ZNF516: variants seen among roughly 807,000 people sequenced by gnomAD.
ZNF516 encodes the protein zinc finger protein 516.
ZNF516 carries 19 observed loss-of-function variants against 79.7 expected under a neutral mutation model. The ratio of observed to expected loss-of-function variants is 0.24; its 90% CI spans 0.17 to 0.35. The LOEUF is 0.35. Ranked by LOEUF, ZNF516 falls within the 10% of genes least tolerant of loss-of-function variation. The pLI is 1.00. For synonymous variants in ZNF516, 877 were observed against 739.5 expected (o/e 1.19, Z -3.02); for missense variants, 1,678 against 1,679.5 (o/e 1.00, Z 0.02).
chr18:76,450,955 C>A (rs1912372601), intron 2 of ZNF516, among the ~76,000 whole-genome samples: 1 of 152,156 alleles, frequency 6.6e-6, no homozygotes, highest in Non-Finnish European at 1.5e-5. Flanking sequence ...CCGAAAAAGG[C>A]ACCGGAAGGC....
chr18:76,386,708 C>A (rs2074997849), intron 3 of ZNF516: 1 of 152,154 alleles, frequency 6.6e-6, no homozygotes, highest in Non-Finnish European at 1.5e-5. Context: ...GGACTTTTAT[C>A]TCGTTCTACA....
intron 2 of ZNF516, among the ~76,000 whole-genome samples, chr18:76,453,350 A>T (rs902037706): frequency 6.6e-6 from 1 of 152,202 alleles, no homozygotes; most frequent in African/African-American, 2.4e-5. Flanking sequence ...CCCACGGCTC[A>T]GATGAAGTCC....
rs1023891154 is a variant in ZNF516 at position 76,451,014 on chromosome 18, G to A, written c.-157-7803C>T. Among the ~76,000 whole-genome samples, 3 of 152,128 alleles carry A rather than the reference G, an allele frequency of 2.0e-5. No individual in the cohort carries two copies. Among genetic ancestry groups the A allele is most frequent in the East Asian group, 1.9e-4 (1 of 5,192 alleles). On this transcript the variant is annotated intron_variant, in intron 2 of 6. Coordinates refer to ENST00000443185, the MANE Select transcript of ZNF516 (RefSeq NM_014643.4). The surrounding 1 kb of genome is among the most constrained non-coding windows in gnomAD (Gnocchi z 6.0). The stretch of plus-strand genomic sequence containing the variant: ...AGAGTCATTTCCTCAACAATCGAAC[G>A]CTTAAAGTTGCGGAAACCAAGCAAA...
At chr18:76,472,463 ATG>A (rs906418356) in intron 1 of ZNF516, among the ~76,000 whole-genome samples, 1 of 152,224 alleles carries the variant, frequency 6.6e-6, no homozygotes, top group Admixed American at 6.5e-5. Flanking sequence ...ATATGCATGT[ATG>A]TGTGTATATA....
rs571461431 is a variant in ZNF516 at position 76,440,761 on chromosome 18, T to TGTGTGTGTGTGTGTGTGCGC, written c.1810+483_1810+484insGCGCACACACACACACACAC. Among the ~76,000 whole-genome samples the TGTGTGTGTGTGTGTGTGCGC allele has an allele frequency of 2.3e-3, 340 of 150,216 alleles. 1 individual carries two copies. Among genetic ancestry groups the TGTGTGTGTGTGTGTGTGCGC allele is most frequent in the African/African-American group, 7.5e-3 (307 of 40,844 alleles). ...GTGTGTTTGTGTGTGTGTGTGTGTG[T>TGTGTGTGTGTGTGTGTGCGC]GCGCGCACGCGCGCATGCATCGTAT... On this transcript the variant is annotated intron_variant, in intron 3 of 6. Transcript: ENST00000443185.
chr18:76,456,958 C>G (rs936938125), intron 2 of ZNF516, among the ~76,000 whole-genome samples: 2 of 152,156 alleles, frequency 1.3e-5, no homozygotes, highest in African/African-American at 2.4e-5. Flanking sequence ...GGGTAAATCA[C>G]GCACAGGTAC....
intron 3 of ZNF516, among the ~76,000 whole-genome samples, chr18:76,439,518 CAT>C (rs961975854): frequency 6.6e-6 from 1 of 152,108 alleles, no homozygotes; most frequent in African/African-American, 2.4e-5. Flanking sequence ...AAAAGTTACA[CAT>C]AGAGAAAAAT....
intron 3 of ZNF516, among the ~76,000 whole-genome samples, chr18:76,408,360 C>T (rs1415302493): frequency 6.6e-6 from 1 of 152,276 alleles, no homozygotes. Flanking sequence ...CGAGGGGCTG[C>T]GGCGTGCGTC....
intron 3 of ZNF516, among the ~76,000 whole-genome samples, chr18:76,436,977 G>T (rs1356742341): frequency 6.6e-6 from 1 of 151,908 alleles, no homozygotes; most frequent in Non-Finnish European, 1.5e-5. Flanking sequence ...TGAGGTGAAA[G>T]GATGGCTTGA....
intron 3 of ZNF516, among the ~76,000 whole-genome samples, chr18:76,405,086 T>C (rs1478924345): frequency 6.6e-6 from 1 of 152,196 alleles, no homozygotes; most frequent in African/African-American, 2.4e-5. Flanking sequence ...GATACTCGCT[T>C]TCCTCAGCAC....
chr18:76,486,888 A>C (rs1325457401), intron 1 of ZNF516, among the ~76,000 whole-genome samples: 1 of 152,216 alleles, frequency 6.6e-6, no homozygotes, highest in African/African-American at 2.4e-5. Flanking sequence ...GAAGGTACAG[A>C]AACAGGAATA....
chr18:76,454,674 A>G (rs1428141677), intron 2 of ZNF516, among the ~76,000 whole-genome samples: 4 of 152,238 alleles, frequency 2.6e-5, no homozygotes, highest in Non-Finnish European at 5.9e-5. Context: ...TTTACCCTGC[A>G]CTGCCTGTCT....
chr18:76,446,373 C>T (rs1037888629), intron 2 of ZNF516, among the ~76,000 whole-genome samples: 6 of 152,200 alleles, frequency 3.9e-5, no homozygotes, highest in African/African-American at 1.2e-4. Context: ...CAGACACTCT[C>T]GCTCGTGGAT....
intron 3 of ZNF516, among the ~76,000 whole-genome samples, chr18:76,384,472 C>T (rs2074949358): frequency 1.5e-5 from 2 of 133,774 alleles, no homozygotes; most frequent in South Asian, 2.7e-4. Context: ...CCACCACGAC[C>T]CGCACACCTT....
upstream of ZNF516, chr18:76,496,398 C>A (rs1188239363): frequency 4.3e-5 from 55 of 1,289,632 alleles, no homozygotes; most frequent in Non-Finnish European, 5.5e-5. Context: ...GCGGTTACCT[C>A]AGCGGCGGCG....
At chr18:76,375,795 A>G (rs180844677) in intron 4 of ZNF516, among the ~76,000 whole-genome samples, 8 of 149,688 alleles carry the variant, frequency 5.3e-5, no homozygotes, top group Admixed American at 4.6e-4. Context: ...CCCAAAGACC[A>G]GGTAGAGGAT....
intron 3 of ZNF516, among the ~76,000 whole-genome samples, chr18:76,419,291 T>C (rs968243463): frequency 1.3e-5 from 2 of 152,210 alleles, no homozygotes; most frequent in African/African-American, 4.8e-5. Flanking sequence ...TGTATGTGTG[T>C]ACACTCAAGA....
In ZNF516 at chr18:76,358,310, C is replaced by A. The variant is rs1162100035; in HGVS notation, c.*4188G>T. On this transcript the variant is annotated 3_prime_UTR_variant, in exon 7 of 7. Coordinates refer to ENST00000443185, the MANE Select transcript of ZNF516 (RefSeq NM_014643.4). ...CTTTTTCAGAAATAGTTAAATACAT[C>A]AATCTAGTTACAAATTCTAATATAA... The A allele has an allele frequency of 6.6e-6, 1 of 152,124 alleles. No homozygotes were observed. Among genetic ancestry groups the A allele is most frequent in the East Asian group, 1.9e-4 (1 of 5,196 alleles). 9.4% of individuals were successfully genotyped at this position (152,124 alleles called of 1,614,324 possible).
rs777030894 is a variant in ZNF516 at position 76,379,981 on chromosome 18, G to A, written c.2133C>T (p.Ser711=). 9.9e-6 allele frequency: 16 copies of A among 1,613,818 alleles called. No individual in the cohort carries two copies. The highest frequency in any genetic ancestry group is 1.6e-4 in the Middle Eastern group (1 of 6,084). Residue 711 remains serine, a synonymous_variant, in exon 4 of 7, where the codon TCC becomes TCT. Transcript: ENST00000443185. Reference sequence around the variant, plus strand: ...CAGAGTGTTCCTTGTTGTGCAAATCGGACAGCTTTTCTGCAGGGTGACCCG... The same window carrying A: ...CAGAGTGTTCCTTGTTGTGCAAATCAGACAGCTTTTCTGCAGGGTGACCCG... ...GQTGHPAEKL[S]DLHNKEHSGG...
Sources: gnomAD v4.1 joint callset for allele counts (sites outside exome capture counted in the v4.1 genomes callset) on GRCh38, gnomAD v4.1.1 for gene constraint, Gnocchi (gnomAD v3.1) non-coding constraint, MANE v1.5 for transcripts, NCBI Gene and HGNC (gene_info 2026-07-23, HGNC 2026-07-21) for gene names.